RERG: variants seen among roughly 807,000 people sequenced by gnomAD.
The protein encoded by RERG is ras-related and estrogen-regulated growth inhibitor.
In RERG, 25 loss-of-function variants were observed where a neutral mutation model predicts 23.2. The observed-to-expected ratio is 1.08, with a 90% CI of 0.79 to 1.50. The LOEUF (loss-of-function observed/expected upper bound fraction) is 1.50, where lower values mean the gene tolerates loss of function less well. RERG is among the 40% of genes most tolerant of loss of function. The pLI is 0.00. For synonymous variants in RERG, 81 were observed against 89.1 expected, an observed-to-expected ratio of 0.91 and a Z score of 0.51; for missense variants, 253 against 250.1, an observed-to-expected ratio of 1.01 and a Z score of -0.08.
At chr12:15,188,997 A>T (rs1030470610) in intron 2 of RERG, among the ~76,000 whole-genome samples, 1 of 152,144 alleles carries the variant, frequency 6.6e-6, no homozygotes, top group African/African-American at 2.4e-5. Flanking sequence ...TCTTCTCCCC[A>T]TAAGTCCACT....
chr12:15,134,140 C>T (rs1322241955), intron 2 of RERG, among the ~76,000 whole-genome samples: 2 of 151,976 alleles, frequency 1.3e-5, no homozygotes, highest in Non-Finnish European at 2.9e-5. Context: ...TGCATCATTA[C>T]TTTGTGTTGT....
At chr12:15,112,093 G>A (rs990007729) in intron 3 of RERG, among the ~76,000 whole-genome samples, 4 of 152,172 alleles carry the variant, frequency 2.6e-5, no homozygotes, top group Admixed American at 2.6e-4. Context: ...TTCACAAAAT[G>A]CATTCTGCCT....
intron 2 of RERG, among the ~76,000 whole-genome samples, chr12:15,124,590 C>G (rs755810983): frequency 6.6e-6 from 1 of 151,934 alleles, no homozygotes; most frequent in Non-Finnish European, 1.5e-5. Flanking sequence ...TTCTAAGATA[C>G]TTAAGCATAT....
chr12:15,162,773 T>C (rs1217433923), intron 2 of RERG, among the ~76,000 whole-genome samples: 1 of 152,204 alleles, frequency 6.6e-6, no homozygotes, highest in African/African-American at 2.4e-5. Flanking sequence ...CTAGTCCAAT[T>C]CCCTTATTTC....
At position 15,196,869 on chromosome 12, in the gene RERG, A is replaced by G. The variant is rs184566249; in HGVS notation, c.61+20560T>C. Among the ~76,000 whole-genome samples the G allele has an allele frequency of 2.2e-3, 330 of 152,228 alleles. 2 individuals carry two copies. Among genetic ancestry groups the G allele is most frequent in the African/African-American group, 7.8e-3 (324 of 41,550 alleles). On this transcript the variant is annotated intron_variant, in intron 2 of 4. Coordinates refer to ENST00000256953, the MANE Select transcript of RERG (RefSeq NM_032918.3). Reference sequence around the variant, plus strand: ...TTGACTGCTGACACTGAAACGAAACAGTCGTAGGTGAGAATGAGAAGAGAA... The same window carrying G: ...TTGACTGCTGACACTGAAACGAAACGGTCGTAGGTGAGAATGAGAAGAGAA...
At chr12:15,212,889 T>C (rs565032545) in intron 2 of RERG, among the ~76,000 whole-genome samples, 8 of 152,262 alleles carry the variant, frequency 5.3e-5, no homozygotes, top group African/African-American at 1.7e-4. Flanking sequence ...AAAAAGCTTT[T>C]AAAAACTTCT....
intron 2 of RERG, among the ~76,000 whole-genome samples, chr12:15,177,839 G>GTTTTTTTTT (rs11304470): frequency 5.3e-5 from 6 of 112,948 alleles, no homozygotes; most frequent in Non-Finnish European, 9.4e-5. Flanking sequence ...CCCTCTGTTT[G>GTTTTTTTTT]TTTTTTTTTT....
chr12:15,126,724 C>CTTTTTTTTTT (rs71042228), intron 2 of RERG, among the ~76,000 whole-genome samples: 7 of 132,464 alleles, frequency 5.3e-5, no homozygotes, highest in East Asian at 2.2e-4. Context: ...CTTTTTCTTT[C>CTTTTTTTTTT]TTTTTTTTTT....
At chr12:15,156,679 A>T (rs1484847004) in intron 2 of RERG, among the ~76,000 whole-genome samples, 1 of 152,194 alleles carries the variant, frequency 6.6e-6, no homozygotes, top group Non-Finnish European at 1.5e-5. Flanking sequence ...ATGTGCAACA[A>T]ATGATGCAAG....
At chr12:15,176,128 G>C (rs764671993) in intron 2 of RERG, among the ~76,000 whole-genome samples, 2 of 152,092 alleles carry the variant, frequency 1.3e-5, no homozygotes, top group East Asian at 1.9e-4. Context: ...TAGAGGTAGA[G>C]GTCCTCATAC....
intron 1 of RERG, among the ~76,000 whole-genome samples, chr12:15,218,672 A>G (rs12312583): frequency 0.25 from 37,678 of 151,526 alleles, 5,316 homozygotes; most frequent in Non-Finnish European, 0.33. Context: ...ACTCAAAACA[A>G]GTCAACTTTT....
At chr12:15,149,255 A>C (rs1864396799) in intron 2 of RERG, among the ~76,000 whole-genome samples, 1 of 152,156 alleles carries the variant, frequency 6.6e-6, no homozygotes, top group Non-Finnish European at 1.5e-5. Context: ...TTCTTTCTGA[A>C]AAATCAAGAC....
At chr12:15,152,821 T>C (rs145580339) in intron 2 of RERG, among the ~76,000 whole-genome samples, 138 of 152,332 alleles carry the variant, frequency 9.1e-4, no homozygotes, top group Non-Finnish European at 1.7e-3. Flanking sequence ...AATATTATTA[T>C]ATTACTCTTT....
chr12:15,179,448 G>A (rs763646444), intron 2 of RERG, among the ~76,000 whole-genome samples: 2 of 152,134 alleles, frequency 1.3e-5, no homozygotes, highest in South Asian at 4.1e-4. Flanking sequence ...TTCAAACCCA[G>A]GATAAAAGAT....
At chr12:15,116,901 G>C (rs1255423566) in intron 3 of RERG, among the ~76,000 whole-genome samples, 1 of 152,028 alleles carries the variant, frequency 6.6e-6, no homozygotes, top group Non-Finnish European at 1.5e-5. Flanking sequence ...GTGAAGGGTG[G>C]GGGGATGATT....
chr12:15,130,918 CTTT>C (rs970537398), intron 2 of RERG, among the ~76,000 whole-genome samples: 1 of 149,074 alleles, frequency 6.7e-6, no homozygotes. Flanking sequence ...GGAAAATTGA[CTTT>C]TTTTTTTAAC....
At chr12:15,141,147 T>G (rs982520589) in intron 2 of RERG, among the ~76,000 whole-genome samples, 13 of 146,948 alleles carry the variant, frequency 8.8e-5, no homozygotes, top group African/African-American at 3.2e-4. Context: ...TTCCTATTGA[T>G]GTGTCTTTTT....
rs953220580 is a variant in RERG, at chr12:15,108,599, A to G, written c.*511T>C. 1.3e-5 allele frequency: 2 copies of G among 152,624 alleles called. No homozygotes were observed. Among genetic ancestry groups the G allele is most frequent in the Non-Finnish European group, 2.9e-5 (2 of 68,114 alleles). The allele number at this position is 152,624 out of a possible 1,614,324, so 9.5% of individuals were successfully genotyped here. A position where few individuals can be genotyped will look rare whatever the true frequency, so the allele number is the denominator to read the frequency against. Reference sequence around the variant, plus strand: ...GAACTGAAGAACAAAATAAAATTTTAAAGAAAACCTAGATGATATTAGATA... The same window carrying G: ...GAACTGAAGAACAAAATAAAATTTTGAAGAAAACCTAGATGATATTAGATA... On this transcript the variant is annotated 3_prime_UTR_variant, in exon 5 of 5. Transcript: ENST00000256953.
intron 2 of RERG, among the ~76,000 whole-genome samples, chr12:15,140,203 T>G (rs1291249501): frequency 1.3e-5 from 2 of 152,138 alleles, no homozygotes; most frequent in Non-Finnish European, 2.9e-5. Flanking sequence ...GATGAAACCC[T>G]CATGACTGGG....
Sources: allele counts gnomAD v4.1 joint callset (sites outside exome capture counted in the v4.1 genomes callset), GRCh38; gene constraint gnomAD v4.1.1; transcripts MANE v1.5; gene names NCBI Gene and HGNC (gene_info 2026-07-23, HGNC 2026-07-21).